STAT5B: variants seen among roughly 807,000 people sequenced by gnomAD.
The protein encoded by STAT5B is transcription factor STAT5B.
In STAT5B, 21 loss-of-function variants were observed where a neutral mutation model predicts 107.8. The observed-to-expected ratio is 0.19, with a 90% CI of 0.14 to 0.28. STAT5B has a LOEUF of 0.28. Ranked by LOEUF, STAT5B falls within the 10% of genes least tolerant of loss-of-function variation. The pLI is 1.00. For synonymous variants in STAT5B, 325 were observed against 401.7 expected (o/e 0.81, Z 2.28); for missense variants, 565 against 1,008.2 (o/e 0.56, Z 5.95).
chr17:42,213,214 A>T (rs998880476), intron 12 of STAT5B, among the ~76,000 whole-genome samples: 1 of 148,228 alleles, frequency 6.7e-6, no homozygotes, highest in Non-Finnish European at 1.5e-5. Flanking sequence ...TTCCACAATT[A>T]TTTTTTTTTT....
intron 6 of STAT5B, 74 bp downstream of exon 6, chr17:42,219,638 C>T: frequency 1.3e-6 from 2 of 1,505,704 alleles, no homozygotes; most frequent in South Asian, 2.4e-5. Context: ...CATGCTGGTC[C>T]CAGCCCTCCC....
chr17:42,280,354 A>C (rs578093711), upstream of STAT5B, among the ~76,000 whole-genome samples: 127 of 152,108 alleles, frequency 8.3e-4, no homozygotes, highest in African/African-American at 2.9e-3. Flanking sequence ...ATAGATGAAC[A>C]CATGGCTTTC....
intron 1 of STAT5B, among the ~76,000 whole-genome samples, chr17:42,243,991 C>A (rs2080428719): frequency 6.6e-6 from 1 of 151,312 alleles, no homozygotes; most frequent in African/African-American, 2.4e-5. Flanking sequence ...TTGCTGTAGC[C>A]CAAAATTAAT....
intron 12 of STAT5B, 152 bp from the exon 13 acceptor site, chr17:42,212,342 G>T: frequency 1.5e-6 from 2 of 1,325,626 alleles, no homozygotes; most frequent in Non-Finnish European, 2.1e-6. Flanking sequence ...GGGGTACACG[G>T]TTCTGTGAAA....
At chr17:42,207,823 A>G in intron 15 of STAT5B, 95 bp from the exon 16 acceptor site, 1 of 1,284,432 alleles carries the variant, frequency 7.8e-7, no homozygotes. Context: ...GCTTGCCATT[A>G]TAATGGCTCC....
chr17:42,250,515 T>A (rs1285130493), intron 1 of STAT5B, among the ~76,000 whole-genome samples: 1 of 151,872 alleles, frequency 6.6e-6, no homozygotes, highest in African/African-American at 2.4e-5. Flanking sequence ...ATGAGAAAAA[T>A]AAAGTACTAG....
At chr17:42,256,553 C>T (rs1161786788) in intron 1 of STAT5B, among the ~76,000 whole-genome samples, 1 of 152,044 alleles carries the variant, frequency 6.6e-6, no homozygotes, top group East Asian at 1.9e-4. Flanking sequence ...TAGTAAGATA[C>T]AGTATTTTAA....
intron 15 of STAT5B, 151 bp downstream of exon 15, chr17:42,210,020 G>T: frequency 1.7e-6 from 2 of 1,200,796 alleles, no homozygotes; most frequent in Non-Finnish European, 2.3e-6. Context: ...TTCATAGGCT[G>T]CCTTATTATG....
intron 1 of STAT5B, among the ~76,000 whole-genome samples, chr17:42,243,281 G>A (rs976175074): frequency 6.6e-6 from 1 of 152,164 alleles, no homozygotes; most frequent in Non-Finnish European, 1.5e-5. Context: ...TCTTGAACCC[G>A]GGAGGCAGAG....
intron 2 of STAT5B, 135 bp from the exon 3 acceptor site, chr17:42,227,820 C>T: frequency 1.1e-6 from 1 of 872,028 alleles, no homozygotes; most frequent in Non-Finnish European, 1.8e-6. Flanking sequence ...AGAAACAGCC[C>T]AACAGAAATG....
chr17:42,217,012 A>T, intron 11 of STAT5B, 148 bp downstream of exon 11: 1 of 1,371,670 alleles, frequency 7.3e-7, no homozygotes, highest in Non-Finnish European at 9.9e-7. Context: ...TAAGTGAAAC[A>T]GTTCTCAGGG....
chr17:42,279,029 C>T (rs2080784390), upstream of STAT5B, among the ~76,000 whole-genome samples: 1 of 151,040 alleles, frequency 6.6e-6, no homozygotes, highest in Non-Finnish European at 1.5e-5. Flanking sequence ...ATTGCCTGGG[C>T]TGTTCAAGAA....
At chr17:42,209,536 G>A (rs2080112438) in intron 15 of STAT5B, among the ~76,000 whole-genome samples, 1 of 152,104 alleles carries the variant, frequency 6.6e-6, no homozygotes, top group South Asian at 2.1e-4. Flanking sequence ...ACCAGCCTGG[G>A]CAACATACAA....
intron 15 of STAT5B, among the ~76,000 whole-genome samples, chr17:42,208,834 C>G (rs1259226636): frequency 1.3e-5 from 2 of 149,952 alleles, no homozygotes; most frequent in Non-Finnish European, 3.0e-5. Flanking sequence ...CGGGTTCACG[C>G]CATTCTCCTG....
At chr17:42,231,950 A>C (rs554560446) in intron 2 of STAT5B, 50 bp downstream of exon 2, 20 of 1,611,684 alleles carry the variant, frequency 1.2e-5, no homozygotes, top group Non-Finnish European at 1.7e-5. Context: ...AACAAACTCC[A>C]ATATTCTTGT....
intron 17 of STAT5B, 71 bp from the exon 18 acceptor site, chr17:42,202,518 G>C: frequency 1.9e-6 from 3 of 1,558,188 alleles, no homozygotes; most frequent in Non-Finnish European, 2.6e-6. Flanking sequence ...AGGGGACCAA[G>C]GGGTATCTTT....
chr17:42,220,228 C>T (rs895868378), intron 5 of STAT5B, among the ~76,000 whole-genome samples: 2 of 152,196 alleles, frequency 1.3e-5, no homozygotes, highest in African/African-American at 4.8e-5. Flanking sequence ...CTGGGCAAAT[C>T]GCTTTCCTTT....
chr17:42,239,206 C>T (rs1013765670), intron 1 of STAT5B, among the ~76,000 whole-genome samples: 65 of 147,270 alleles, frequency 4.4e-4, no homozygotes, highest in African/African-American at 2.6e-5. Flanking sequence ...CAAGATCATG[C>T]CACTGCACTC....
intron 1 of STAT5B, chr17:42,270,477 C>T (rs1163103282): frequency 7.9e-5 from 12 of 151,974 alleles, no homozygotes; most frequent in Non-Finnish European, 1.6e-4. Flanking sequence ...ATGATGTACA[C>T]GGTAATGCTA....
Sources: allele counts gnomAD v4.1 joint callset (sites outside exome capture counted in the v4.1 genomes callset), GRCh38; gene constraint gnomAD v4.1.1; transcripts MANE v1.5; gene names NCBI Gene and HGNC (gene_info 2026-07-23, HGNC 2026-07-21).